BCHE: variants seen among roughly 807,000 people sequenced by gnomAD.
The protein encoded by BCHE is butyrylcholinesterase, also known as cholinesterase.
In BCHE, 48 loss-of-function variants were observed where a neutral mutation model predicts 51.3. The observed-to-expected ratio is 0.94, with a 90% confidence interval of 0.74 to 1.19. BCHE has a LOEUF of 1.19. BCHE is among the 50% of genes most tolerant of loss of function. The probability of loss-of-function intolerance (pLI) is 0.00; values close to 1 mark genes in which losing one functional copy is unlikely to be tolerated. For missense variants in BCHE, 847 were observed against 708.2 expected (o/e 1.20, Z -2.23); for synonymous variants, 251 against 238.0 (o/e 1.05, Z -0.50).
intron 2 of BCHE, among the ~76,000 whole-genome samples, chr3:165,797,001 A>G (rs1164460242): frequency 6.6e-6 from 1 of 152,084 alleles, no homozygotes; most frequent in Non-Finnish European, 1.5e-5. Flanking sequence ...ATTAGCTGGC[A>G]AGTTAAAGAG....
chr3:165,835,893 T>A (rs76592581), intron 1 of BCHE, among the ~76,000 whole-genome samples: 89 of 152,002 alleles, frequency 5.9e-4, no homozygotes, highest in African/African-American at 2.1e-3. Context: ...TACAATTCTC[T>A]TAACATCTGG....
chr3:165,835,126 A>G (rs948742967), intron 1 of BCHE, among the ~76,000 whole-genome samples: 7 of 151,952 alleles, frequency 4.6e-5, no homozygotes, highest in Non-Finnish European at 8.9e-5. Flanking sequence ...GAATTAAGAA[A>G]ATTTACTGGC....
chr3:165,811,141 T>C (rs1201465706), intron 2 of BCHE, among the ~76,000 whole-genome samples: 1 of 152,138 alleles, frequency 6.6e-6, no homozygotes, highest in Non-Finnish European at 1.5e-5. Flanking sequence ...TAGTAGAATA[T>C]AAACACCCAA....
chr3:165,821,404 G>A (rs910566958), intron 2 of BCHE, among the ~76,000 whole-genome samples: 14 of 150,736 alleles, frequency 9.3e-5, no homozygotes, highest in Non-Finnish European at 2.1e-4. Context: ...CAGTTTTTCT[G>A]TTGTCATTTA....
chr3:165,774,286 A>G (rs1356457747), intron 3 of BCHE, among the ~76,000 whole-genome samples: 3 of 152,068 alleles, frequency 2.0e-5, no homozygotes, highest in African/African-American at 7.2e-5. Context: ...CTTTTTAATT[A>G]TCATTCCACA....
At chr3:165,773,963 G>T (rs184100347) in intron 3 of BCHE, among the ~76,000 whole-genome samples, 16 of 152,000 alleles carry the variant, frequency 1.1e-4, no homozygotes, top group Admixed American at 4.6e-4. Context: ...AGTATTTGTG[G>T]GGAGTTGGTT....
intron 3 of BCHE, among the ~76,000 whole-genome samples, chr3:165,782,608 CT>C (rs2108199667): frequency 6.6e-6 from 1 of 152,220 alleles, no homozygotes; most frequent in South Asian, 2.1e-4. Context: ...AGAGCTAAGT[CT>C]ATTTAACAAA....
chr3:165,809,975 T>G (rs772254210), intron 2 of BCHE, among the ~76,000 whole-genome samples: 1 of 152,178 alleles, frequency 6.6e-6, no homozygotes, highest in Non-Finnish European at 1.5e-5. Flanking sequence ...CAGGGGTCAG[T>G]AGAATTTTAC....
rs539953571 is a variant in BCHE, at chr3:165,798,962, A to G, written c.1518-12651T>C. Among the ~76,000 whole-genome samples the G allele has an allele frequency of 3.3e-4, 51 of 152,338 alleles. 2 individuals are homozygous for G. In the South Asian group the frequency reaches 0.01, roughly 30 times the overall value. On this transcript the variant is annotated intron_variant, in intron 2 of 3. Coordinates refer to ENST00000264381, the MANE Select transcript of BCHE (RefSeq NM_000055.4). ...GGAATATAAACAAATTTCATTCTCA[A>G]TGATAGAATTACAAATAATACAGTT...
In BCHE at chr3:165,830,558, T is replaced by C. The variant is rs2108235624; in HGVS notation, c.476A>G (p.Lys159Arg). The C allele has an allele frequency of 1.9e-6, 3 of 1,613,948 alleles. No individual in the cohort carries two copies. Among genetic ancestry groups the C allele is most frequent in the East Asian group, 2.2e-5 (1 of 44,868 alleles). ...GTSSLHVYDG[K>R]FLARVERVIV... The stretch of plus-strand genomic sequence containing the variant: ...AACTCTTTCAACCCGAGCCAGAAAC[T>C]TGCCATCATAAACATGTAAAGATGA... The change falls in exon 2 of 4, where the codon AAG becomes AGG. Residue 159 changes from lysine to arginine, a missense_variant. Transcript: ENST00000264381.
At chr3:165,815,437 G>C (rs1449713072) in intron 2 of BCHE, among the ~76,000 whole-genome samples, 1 of 152,066 alleles carries the variant, frequency 6.6e-6, no homozygotes, top group African/African-American at 2.4e-5. Flanking sequence ...AGTAGCTTCA[G>C]CTCTGTAAGC....
At chr3:165,792,774 A>G (rs938005742) in intron 2 of BCHE, among the ~76,000 whole-genome samples, 2 of 152,200 alleles carry the variant, frequency 1.3e-5, no homozygotes, top group African/African-American at 2.4e-5. Flanking sequence ...TTCATTAAAC[A>G]TGATATGGGT....
chr3:165,825,714 C>A (rs1050235993), intron 2 of BCHE, among the ~76,000 whole-genome samples: 2 of 151,970 alleles, frequency 1.3e-5, no homozygotes, highest in African/African-American at 4.8e-5. Flanking sequence ...CACCCCACCC[C>A]ACAACAGGCC....
chr3:165,811,033 T>C (rs1332896895), intron 2 of BCHE, among the ~76,000 whole-genome samples: 1 of 152,190 alleles, frequency 6.6e-6, no homozygotes, highest in Non-Finnish European at 1.5e-5. Context: ...ACAGTGACGA[T>C]ACAAGTAGAG....
At position 165,773,417 on chromosome 3, in the gene BCHE, A is replaced by C. The variant is rs1470487004; in HGVS notation, c.1774T>G (p.Tyr592Asp). 6.2e-7 allele frequency: 1 copy of C among 1,610,822 alleles called. No homozygotes were observed. The highest frequency in any genetic ancestry group is 8.5e-7 in the Non-Finnish European group (1 of 1,177,530). ...MMDWKNQFNDYTSKKESCVGL is the reference protein window; with the variant it reads ...MMDWKNQFNDDTSKKESCVGL ...ACACAACTTTCTTTCTTGCTAGTGT[A>C]ATCGTTAAATTGATTTTTCCAGTCC... The change falls in exon 4 of 4, where the codon TAC (tyrosine) becomes GAC (aspartate). Residue 592 changes from tyrosine to aspartate, a missense_variant. By Grantham distance (160) the Tyr-to-Asp change is radical (BLOSUM62 -3). Coordinates refer to ENST00000264381, the MANE Select transcript of BCHE (RefSeq NM_000055.4).
chr3:165,813,274 G>C (rs1714177927), intron 2 of BCHE, among the ~76,000 whole-genome samples: 1 of 151,226 alleles, frequency 6.6e-6, no homozygotes, highest in Non-Finnish European at 1.5e-5. Context: ...ATTATGCTTA[G>C]GTATTAAGTA....
rs1175698220 is a variant in BCHE at position 165,772,929 on chromosome 3, C to T, written c.*453G>A. 6.6e-6 allele frequency: 1 copy of T among 152,310 alleles called. No homozygotes were observed. The highest frequency in any genetic ancestry group is 2.4e-5 in the African/African-American group (1 of 41,366). The allele number at this position is 152,310 out of a possible 1,614,324, so 9.4% of individuals were successfully genotyped here. A position where few individuals can be genotyped will look rare whatever the true frequency, so the allele number is the denominator to read the frequency against. On this transcript the variant is annotated 3_prime_UTR_variant, in exon 4 of 4. Transcript: ENST00000264381. ...TGATTTTCTGTGCTTATTTTAATAT[C>T]TCATATTGACATTCAATTCTTATTT...
At chr3:165,774,165 G>A (rs968437303) in intron 3 of BCHE, among the ~76,000 whole-genome samples, 1 of 152,048 alleles carries the variant, frequency 6.6e-6, no homozygotes, top group Non-Finnish European at 1.5e-5. Context: ...TATATGTTTA[G>A]TATAGATGTA....
intron 3 of BCHE, among the ~76,000 whole-genome samples, chr3:165,782,662 T>A (rs1366800901): frequency 1.3e-5 from 2 of 152,082 alleles, no homozygotes; most frequent in Admixed American, 6.6e-5. Context: ...CAGACTGCCA[T>A]AACAAAACAT....
Sources: allele counts gnomAD v4.1 joint callset (sites outside exome capture counted in the v4.1 genomes callset), GRCh38; gene constraint gnomAD v4.1.1; transcripts MANE v1.5; gene names NCBI Gene and HGNC (gene_info 2026-07-23, HGNC 2026-07-21).